Variants in ADGRG2 observed in about 807,000 individuals in gnomAD.
ADGRG2 encodes G protein-coupled receptor 64.
Under a neutral mutation model 74.1 loss-of-function variants are expected in ADGRG2, and 26 were observed. That is an observed-to-expected ratio of 0.35 (90% CI 0.26 to 0.49). The LOEUF is 0.49. ADGRG2 is among the 20% of genes least tolerant of loss of function. The probability of loss-of-function intolerance (pLI) is 0.99; values close to 1 mark genes in which losing one functional copy is unlikely to be tolerated. For synonymous variants in ADGRG2, 296 were observed against 295.2 expected, an observed-to-expected ratio of 1.00 and a Z score of -0.03; for missense variants, 619 against 763.1, an observed-to-expected ratio of 0.81 and a Z score of 2.22.
At chrX:19,033,760 G>A in intron 7 of ADGRG2, 106 bp from the exon 8 acceptor site, 1 of 433,101 alleles carries the variant, frequency 2.3e-6, no homozygotes, top group Non-Finnish European at 4.2e-6. Context: ...AAGTCACACT[G>A]TTGACACCTT....
Position 18,994,802 on chromosome X carries a change from TACTC to T in ADGRG2, c.2869+90_2869+93del, listed in dbSNP as rs753534304. ...CACTAGTCATATATGTATTAATAGT[TACTC>T]ACTTTGCTTAGCCAAAATGCCAATA... is the stretch of plus-strand genomic sequence containing the variant. On this transcript the variant is annotated intron_variant, in intron 28 of 28. Coordinates refer to ENST00000379869, the MANE Select transcript of ADGRG2 (RefSeq NM_001079858.3). 1,091 of 612,848 alleles carry T rather than the reference TACTC, an allele frequency of 1.8e-3. 9 individuals are homozygous for T. The African/African-American group carries it at 0.023, about 13-fold the overall frequency. 50.5% of individuals were successfully genotyped at this position (612,848 alleles called of 1,213,427 possible).
intron 1 of ADGRG2, among the ~76,000 whole-genome samples, chrX:19,105,091 GT>G (rs974469624): frequency 9.1e-6 from 1 of 110,035 alleles, no homozygotes; most frequent in Admixed American, 9.8e-5. Context: ...AAAATTATGT[GT>G]TTTGTATTTC....
chrX:19,080,055 G>A (rs1354645611), intron 2 of ADGRG2, among the ~76,000 whole-genome samples: 2 of 109,434 alleles, frequency 1.8e-5, no homozygotes, highest in Admixed American at 9.7e-5. Flanking sequence ...GATTACAGGC[G>A]CCTGCCACCA....
chrX:19,006,346 GA>G (rs1012205716), intron 20 of ADGRG2, 81 bp from the exon 21 acceptor site: 25 of 673,448 alleles, frequency 3.7e-5, no homozygotes, highest in Non-Finnish European at 5.0e-5. Context: ...TATTTGAAAA[GA>G]AAAAAAACTG....
intron 1 of ADGRG2, among the ~76,000 whole-genome samples, chrX:19,088,974 T>A (rs1398399255): frequency 1.8e-5 from 2 of 111,393 alleles, no homozygotes; most frequent in Admixed American, 9.6e-5. Flanking sequence ...CCTGTTTCCA[T>A]ATATATCTGC....
intron 9 of ADGRG2, among the ~76,000 whole-genome samples, chrX:19,029,527 G>T (rs746320937): frequency 3.3e-4 from 36 of 110,489 alleles, no homozygotes; most frequent in Admixed American, 1.3e-3. Context: ...CCTGCAAGAA[G>T]TGAAGGTTTC....
At chrX:19,039,219 T>G (rs1462147554) in intron 4 of ADGRG2, 2 of 329,411 alleles carry the variant, frequency 6.1e-6, no homozygotes, top group Admixed American at 6.3e-5. Flanking sequence ...TCAAGTCATC[T>G]GGCTCCAGAG....
rs748026875 is a variant in ADGRG2 at position 19,105,927 on chromosome X, C to CAAAAA, written c.-47+16510_-47+16514dup. On this transcript the variant is annotated intron_variant, in intron 1 of 28. Coordinates refer to ENST00000379869, the MANE Select transcript of ADGRG2 (RefSeq NM_001079858.3). ...TAAGCGACAGAGCGAGACTCTGTCT[C>CAAAAA]AAAAAAAAAAAAAAAAAAAAAAAGA... Among the ~76,000 whole-genome samples the CAAAAA allele has an allele frequency of 6.7e-3, 200 of 29,889 alleles. 15 individuals carry two copies. Among genetic ancestry groups the CAAAAA allele is most frequent in the African/African-American group, 0.022 (171 of 7,755 alleles). 26.0% of individuals were successfully genotyped at this position (29,889 alleles called of 115,157 possible). A position where few individuals can be genotyped will look rare whatever the true frequency, so the allele number is the denominator to read the frequency against.
At chrX:19,045,400 C>T (rs1358098961) in intron 3 of ADGRG2, among the ~76,000 whole-genome samples, 2 of 107,564 alleles carry the variant, frequency 1.9e-5, no homozygotes, top group African/African-American at 6.8e-5. Context: ...CTCCTCCTCC[C>T]GGGTTCAAGT....
At chrX:19,061,822 T>C (rs2061493705) in intron 3 of ADGRG2, among the ~76,000 whole-genome samples, 1 of 112,057 alleles carries the variant, frequency 8.9e-6, no homozygotes, top group Non-Finnish European at 1.9e-5. Flanking sequence ...AATGGCGTGC[T>C]AGGGCCTTTC....
chrX:19,064,367 T>C (rs1325843855), intron 3 of ADGRG2, among the ~76,000 whole-genome samples: 1 of 112,748 alleles, frequency 8.9e-6, no homozygotes, highest in African/African-American at 3.2e-5. Flanking sequence ...TCATGCGTCA[T>C]AGTCACGGCC....
At chrX:19,120,781 C>A (rs1041480961) in intron 1 of ADGRG2, among the ~76,000 whole-genome samples, 2 of 112,358 alleles carry the variant, frequency 1.8e-5, no homozygotes, top group African/African-American at 6.5e-5. Context: ...GCTATCAGAT[C>A]ATGTATTTGG....
intron 28 of ADGRG2, among the ~76,000 whole-genome samples, chrX:18,994,497 C>CA (rs377755481): frequency 0.038 from 3,551 of 92,700 alleles, 147 homozygotes; most frequent in African/African-American, 0.13. Context: ...GACTCCATCT[C>CA]AAAAAAAAAA....
chrX:19,108,276 T>C (rs2147064527), intron 1 of ADGRG2, among the ~76,000 whole-genome samples: 1 of 110,359 alleles, frequency 9.1e-6, no homozygotes, highest in South Asian at 3.8e-4. Context: ...AAAAAAAAGT[T>C]ACAGAAAGAA....
At chrX:19,007,114 C>T in intron 20 of ADGRG2, 121 bp downstream of exon 20, 2 of 676,856 alleles carry the variant, frequency 3.0e-6, no homozygotes, top group Non-Finnish European at 4.6e-6. Context: ...GTCCTGCAAA[C>T]TACTCCAGCT....
chrX:19,033,775 A>G (rs2060876505), intron 7 of ADGRG2, 121 bp from the exon 8 acceptor site: 1 of 398,742 alleles, frequency 2.5e-6, no homozygotes, highest in Admixed American at 4.6e-5. Context: ...CACCTTTAAG[A>G]CACTATCGGT....
chrX:18,991,532 C>T (rs1302947809), intron 28 of ADGRG2, among the ~76,000 whole-genome samples: 1 of 112,473 alleles, frequency 8.9e-6, no homozygotes, highest in African/African-American at 3.2e-5. Context: ...ACCAGAGCAA[C>T]CAGCTACAAC....
chrX:19,004,965 T>C (rs915257377), intron 22 of ADGRG2, 86 bp from the exon 23 acceptor site: 19 of 716,383 alleles, frequency 2.7e-5, no homozygotes, highest in Middle Eastern at 5.0e-4. Context: ...TAGGGATCCA[T>C]TCATAGTCTA....
chrX:18,996,874 C>T (rs940688462), intron 26 of ADGRG2, among the ~76,000 whole-genome samples: 2 of 111,536 alleles, frequency 1.8e-5, no homozygotes, highest in Non-Finnish European at 3.8e-5. Flanking sequence ...ATTCTGGGTT[C>T]TCTGCTTTCT....
Sources: gnomAD v4.1 joint callset for allele counts (sites outside exome capture counted in the v4.1 genomes callset) on GRCh38, gnomAD v4.1.1 for gene constraint, MANE v1.5 for transcripts, NCBI Gene and HGNC (gene_info 2026-07-23, HGNC 2026-07-21) for gene names.